KCNIP4: variants seen among roughly 807,000 people sequenced by gnomAD.
KCNIP4 encodes potassium voltage-gated channel interacting protein 4.
Under a neutral mutation model 34.0 loss-of-function variants are expected in KCNIP4, and 12 were observed. That is an observed-to-expected ratio of 0.35 (90% CI 0.23 to 0.57). KCNIP4 has a LOEUF of 0.57. KCNIP4 is among the 20% of genes least tolerant of loss of function. The pLI, the probability that KCNIP4 is intolerant of heterozygous loss-of-function variation, is 0.83. For synonymous variants in KCNIP4, 124 were observed against 102.2 expected, an observed-to-expected ratio of 1.21 and a Z score of -1.29; for missense variants, 238 against 311.7, an observed-to-expected ratio of 0.76 and a Z score of 1.78.
intron 3 of KCNIP4, among the ~76,000 whole-genome samples, chr4:20,833,063 G>GAGTC (rs1718618382): frequency 6.6e-6 from 1 of 152,206 alleles, no homozygotes; most frequent in Admixed American, 6.5e-5. Flanking sequence ...TTGTGATGCT[G>GAGTC]AGTCAGTCTC....
intron 1 of KCNIP4, among the ~76,000 whole-genome samples, chr4:21,035,993 G>C (rs1741412368): frequency 6.6e-6 from 1 of 152,096 alleles, no homozygotes; most frequent in Non-Finnish European, 1.5e-5. Flanking sequence ...GAGCATAATT[G>C]GCACAAGACA....
At chr4:21,113,518 G>A (rs1749430646) in intron 1 of KCNIP4, among the ~76,000 whole-genome samples, 1 of 143,778 alleles carries the variant, frequency 7.0e-6, no homozygotes. Flanking sequence ...GAAAGAAACA[G>A]TTGAGTTAGT....
At chr4:21,288,502 A>C (rs192707517) in intron 1 of KCNIP4, among the ~76,000 whole-genome samples, 10 of 152,366 alleles carry the variant, frequency 6.6e-5, no homozygotes, top group Non-Finnish European at 1.5e-4. Context: ...AAATGCTTAC[A>C]TAGTGTTAAC....
chr4:21,881,462 T>C (rs181995593), intron 1 of KCNIP4, among the ~76,000 whole-genome samples: 1 of 152,314 alleles, frequency 6.6e-6, no homozygotes, highest in African/African-American at 2.4e-5. Context: ...ATTTGAAACC[T>C]TAATCTCAAA....
At chr4:21,148,685 A>C (rs1752556362) in intron 1 of KCNIP4, among the ~76,000 whole-genome samples, 1 of 148,960 alleles carries the variant, frequency 6.7e-6, no homozygotes, top group African/African-American at 2.5e-5. Context: ...GATACTACAG[A>C]AGAAAAAAAA....
intron 1 of KCNIP4, among the ~76,000 whole-genome samples, chr4:20,964,519 T>TG (rs1414904166): frequency 7.5e-4 from 114 of 152,194 alleles, no homozygotes; most frequent in African/African-American, 2.5e-3. Flanking sequence ...TCGTCTTTTT[T>TG]GGGGGGGAGG....
intron 1 of KCNIP4, among the ~76,000 whole-genome samples, chr4:21,439,732 G>A (rs936520309): frequency 1.4e-5 from 2 of 140,128 alleles, no homozygotes; most frequent in African/African-American, 5.5e-5. Flanking sequence ...CATTTTATGA[G>A]TGAAAGATGC....
intron 1 of KCNIP4, among the ~76,000 whole-genome samples, chr4:21,828,015 T>C (rs1722770598): frequency 1.8e-5 from 2 of 110,364 alleles, no homozygotes; most frequent in South Asian, 3.2e-4. Flanking sequence ...ATGAGAGTCA[T>C]GTAAAAAAAA....
At chr4:20,880,407 TTCAGTA>T (rs1724549675) in intron 2 of KCNIP4, among the ~76,000 whole-genome samples, 1 of 152,196 alleles carries the variant, frequency 6.6e-6, no homozygotes, top group South Asian at 2.1e-4. Context: ...CTAGCGTAGG[TTCAGTA>T]TCAGCCAGTA....
chr4:21,104,279 C>T (rs904884699), intron 1 of KCNIP4, among the ~76,000 whole-genome samples: 14 of 152,090 alleles, frequency 9.2e-5, no homozygotes, highest in South Asian at 2.1e-4. Flanking sequence ...TTTTAATGAT[C>T]GCCATTCTAA....
intron 1 of KCNIP4, among the ~76,000 whole-genome samples, chr4:21,053,891 C>A (rs1577604763): frequency 1.3e-5 from 2 of 152,128 alleles, no homozygotes; most frequent in Admixed American, 1.3e-4. Flanking sequence ...CTATCCCATG[C>A]TTATGGATAG....
In KCNIP4 at chr4:21,888,907, C is replaced by T. The variant is rs1023022175; in HGVS notation, c.61+59664G>A. Among the ~76,000 whole-genome samples the T allele has an allele frequency of 3.9e-5, 6 of 152,238 alleles. No homozygotes were observed. In the East Asian group the frequency reaches 7.7e-4, roughly 20 times the overall value. ...GATCACCTGTCAAGTTTTACTTTTA[C>T]TACTACAAGTTAAGCATATCGAATC... On this transcript the variant is annotated intron_variant, in intron 1 of 8. Transcript: ENST00000382152.
chr4:21,884,958 C>A (rs988349469), intron 1 of KCNIP4, among the ~76,000 whole-genome samples: 3 of 151,092 alleles, frequency 2.0e-5, no homozygotes, highest in East Asian at 3.9e-4. Flanking sequence ...GCCTCCCCCC[C>A]ACTACTGTTA....
chr4:21,596,168 G>T (rs1742628178), intron 1 of KCNIP4, among the ~76,000 whole-genome samples: 1 of 151,920 alleles, frequency 6.6e-6, no homozygotes, highest in African/African-American at 2.4e-5. Context: ...AACAGACATA[G>T]GCTACTTTTG....
In KCNIP4 at chr4:21,751,870, C is replaced by T. The variant is rs138703861; in HGVS notation, c.61+196701G>A. On this transcript the variant is annotated intron_variant, in intron 1 of 8. Transcript: ENST00000382152. ...CAATCAATAATTATGTGCATAGCCA[C>T]AATATGAAAGAAGTGAATGAACTCC... Among the ~76,000 whole-genome samples the T allele has an allele frequency of 6.0e-3, 911 of 152,114 alleles. 11 individuals are homozygous for T. Among genetic ancestry groups the T allele is most frequent in the African/African-American group, 0.021 (870 of 41,504 alleles).
chr4:20,921,264 G>A (rs570179761), intron 1 of KCNIP4, among the ~76,000 whole-genome samples: 111 of 152,280 alleles, frequency 7.3e-4, no homozygotes, highest in Non-Finnish European at 1.1e-3. Context: ...TAGGGCTGAT[G>A]AGGATGCAGT....
intron 1 of KCNIP4, among the ~76,000 whole-genome samples, chr4:20,984,571 C>A (rs1313109148): frequency 6.6e-6 from 1 of 152,202 alleles, no homozygotes; most frequent in Non-Finnish European, 1.5e-5. Flanking sequence ...AGTGCAGGAG[C>A]AAAGCTCCGT....
intron 1 of KCNIP4, among the ~76,000 whole-genome samples, chr4:21,409,960 A>G (rs1724339266): frequency 6.6e-6 from 1 of 152,212 alleles, no homozygotes; most frequent in Non-Finnish European, 1.5e-5. Context: ...AAGAGTAGGA[A>G]GACCTGCCTG....
At chr4:21,670,874 T>A (rs909812189) in intron 1 of KCNIP4, among the ~76,000 whole-genome samples, 2 of 152,010 alleles carry the variant, frequency 1.3e-5, no homozygotes, top group Non-Finnish European at 2.9e-5. Context: ...GCCAGGACGG[T>A]CTCGATCTCC....
Sources: gnomAD v4.1 joint callset for allele counts (sites outside exome capture counted in the v4.1 genomes callset) on GRCh38, gnomAD v4.1.1 for gene constraint, MANE v1.5 for transcripts, NCBI Gene and HGNC (gene_info 2026-07-23, HGNC 2026-07-21) for gene names.